VPS35L: variants seen among roughly 807,000 people sequenced by gnomAD.
VPS35L encodes the protein VPS35 endosomal protein-sorting factor-like.
In VPS35L, 83 loss-of-function variants were observed where a neutral mutation model predicts 133.0. The observed-to-expected ratio is 0.62, with a 90% CI of 0.52 to 0.75. The LOEUF (loss-of-function observed/expected upper bound fraction) is 0.75, where lower values mean the gene tolerates loss of function less well. Among genes scored for constraint, VPS35L ranks in the 30% least tolerant of loss-of-function variants. The pLI, the probability that VPS35L is intolerant of heterozygous loss-of-function variation, is 0.00. For missense variants in VPS35L, 1,083 were observed against 1,206.8 expected (o/e 0.90, Z 1.52); for synonymous variants, 423 against 449.9 (o/e 0.94, Z 0.76).
chr16:19,630,144 C>T (rs1237531054), intron 18 of VPS35L, among the ~76,000 whole-genome samples: 2 of 151,986 alleles, frequency 1.3e-5, no homozygotes, highest in African/African-American at 4.8e-5. Context: ...AGCAGCATTT[C>T]CCAAACAATT....
chr16:19,588,865 A>C (rs1971954733), intron 7 of VPS35L, among the ~76,000 whole-genome samples: 1 of 152,208 alleles, frequency 6.6e-6, no homozygotes. Context: ...GTTATTTTCC[A>C]TAGTAGCTGT....
At chr16:19,643,799 A>T (rs1255430488) in intron 22 of VPS35L, among the ~76,000 whole-genome samples, 20 of 151,134 alleles carry the variant, frequency 1.3e-4, no homozygotes, top group Admixed American at 1.3e-3. Flanking sequence ...AAAAAAAAAA[A>T]TACAAAAAAT....
Position 19,586,331 on chromosome 16 carries a change from A to ATATT in VPS35L, c.639+4700_639+4703dup, listed in dbSNP as rs559790762. On this transcript the variant is annotated intron_variant, in intron 7 of 30. Coordinates refer to ENST00000417362, the MANE Select transcript of VPS35L (RefSeq NM_020314.7). ...TGGAAGTATGTATGTATGTATGTGT[A>ATATT]TATTTATTTATTTATTTATTTATTT... is the stretch of plus-strand genomic sequence containing the variant. Among the ~76,000 whole-genome samples the ATATT allele has an allele frequency of 9.0e-4, 132 of 147,406 alleles. 1 individual carries two copies. The highest frequency in any genetic ancestry group is 1.4e-3 in the Non-Finnish European group (93 of 66,354).
Position 19,629,820 on chromosome 16 carries a change from G to A in VPS35L, c.1554G>A (p.Thr518=), listed in dbSNP as rs144908771. The part of the protein sequence containing the change: ...VWVEYTCKHF[T]KREVNTVLAD... ...TGGAATACACCTGCAAGCATTTCAC[G>A]GTATGTGTGACTGTGGTATTGTTTT... Residue 518 remains threonine, a splice_region_variant and synonymous_variant, in exon 18 of 31, where the codon ACG becomes ACA. Coordinates refer to ENST00000417362, the MANE Select transcript of VPS35L (RefSeq NM_020314.7). 3.2e-3 allele frequency: 5,222 copies of A among 1,612,860 alleles called. 18 individuals carry two copies. The highest frequency in any genetic ancestry group is 3.9e-3 in the Non-Finnish European group (4,555 of 1,178,906).
chr16:19,660,668 T>C (rs1974454250), intron 26 of VPS35L, among the ~76,000 whole-genome samples: 1 of 152,200 alleles, frequency 6.6e-6, no homozygotes, highest in Non-Finnish European at 1.5e-5. Context: ...ATGCCAACCA[T>C]ACAAAAGGTT....
chr16:19,630,987 CGA>C (rs1973439274), intron 18 of VPS35L, among the ~76,000 whole-genome samples: 1 of 151,654 alleles, frequency 6.6e-6, no homozygotes, highest in Non-Finnish European at 1.5e-5. Flanking sequence ...CCAGCCAGAG[CGA>C]CAGAGTGAGA....
At chr16:19,684,722 A>G (rs1436272463) in intron 28 of VPS35L, among the ~76,000 whole-genome samples, 12 of 152,224 alleles carry the variant, frequency 7.9e-5, no homozygotes. Context: ...ACTCACACCC[A>G]GAGTGGTGGG....
intron 9 of VPS35L, among the ~76,000 whole-genome samples, chr16:19,603,292 C>G (rs953646752): frequency 1.3e-5 from 2 of 151,740 alleles, no homozygotes; most frequent in African/African-American, 4.9e-5. Context: ...TCTACATTGT[C>G]CAGTACAGCA....
intron 14 of VPS35L, among the ~76,000 whole-genome samples, chr16:19,621,655 C>T (rs1178272617): frequency 6.6e-6 from 1 of 152,176 alleles, no homozygotes; most frequent in Non-Finnish European, 1.5e-5. Context: ...GTGTTCTTGC[C>T]AAAGATAATC....
At chr16:19,670,306 C>T (rs1567473645) in intron 27 of VPS35L, among the ~76,000 whole-genome samples, 1 of 152,356 alleles carries the variant, frequency 6.6e-6, no homozygotes, top group East Asian at 1.9e-4. Flanking sequence ...ACTCTCTATA[C>T]TGCCAAGGCA....
chr16:19,599,273 G>T (rs1025109678), intron 8 of VPS35L, among the ~76,000 whole-genome samples: 1 of 152,206 alleles, frequency 6.6e-6, no homozygotes, highest in African/African-American at 2.4e-5. Flanking sequence ...TTTAGAAGAG[G>T]ACCTCTGAGG....
chr16:19,610,223 C>T lies in VPS35L; in HGVS notation c.930-99C>T, dbSNP rs541953547. 12 of 1,016,870 alleles carry T rather than the reference C, an allele frequency of 1.2e-5. No individual in the cohort carries two copies. The South Asian group carries it at 1.6e-4, about 14-fold the overall frequency. 63.0% of individuals were successfully genotyped at this position (1,016,870 alleles called of 1,614,324 possible). ...TTACTGAAACTTGATTTTTCCCCCC[C>T]TCCCTGAAATTTAGGAAGTCTTTAT... On this transcript the variant is annotated intron_variant, in intron 11 of 30. Coordinates refer to ENST00000417362, the MANE Select transcript of VPS35L (RefSeq NM_020314.7).
At chr16:19,656,054 G>A (rs1196919327) in intron 26 of VPS35L, among the ~76,000 whole-genome samples, 2 of 151,940 alleles carry the variant, frequency 1.3e-5, no homozygotes, top group Non-Finnish European at 2.9e-5. Context: ...CCTGAGGTCA[G>A]GAGTTCAAGA....
rs913771463 is a variant in VPS35L at position 19,639,097 on chromosome 16, TAAAAATG to T, written c.1699-913_1699-907del. Among the ~76,000 whole-genome samples, 10 of 152,150 alleles carry T rather than the reference TAAAAATG, an allele frequency of 6.6e-5. No homozygotes were observed. Among genetic ancestry groups the T allele is most frequent in the Non-Finnish European group, 1.0e-4 (7 of 68,010 alleles). Reference sequence around the variant, plus strand: ...TCAAACAAATAAAATGCAATAAAAATAAAAATGAAAATGAATGAAGTGCTTATTTCTA... The same window carrying T: ...TCAAACAAATAAAATGCAATAAAAATAAAATGAATGAAGTGCTTATTTCTA... On this transcript the variant is annotated intron_variant, in intron 20 of 30. Coordinates refer to ENST00000417362, the MANE Select transcript of VPS35L (RefSeq NM_020314.7). This position sits in a 1 kb window ranked among gnomAD's most constrained non-coding sequence, Gnocchi z 4.1.
chr16:19,671,321 T>G (rs1164956284), intron 27 of VPS35L, among the ~76,000 whole-genome samples: 2 of 150,950 alleles, frequency 1.3e-5, no homozygotes, highest in East Asian at 1.9e-4. Flanking sequence ...GTACAAAAAT[T>G]AGCTGGGCAT....
chr16:19,578,678 G>A (rs967113397), intron 5 of VPS35L: 1 of 320,432 alleles, frequency 3.1e-6, no homozygotes, highest in Admixed American at 4.5e-5. Context: ...ATTCTACGCT[G>A]TGAGTAAGAG....
chr16:19,694,630 C>T (rs1975838033), intron 29 of VPS35L, among the ~76,000 whole-genome samples: 1 of 152,006 alleles, frequency 6.6e-6, no homozygotes, highest in Non-Finnish European at 1.5e-5. Flanking sequence ...GCTGGGACTA[C>T]AGGCATGTAC....
At position 19,700,684 on chromosome 16, in the gene VPS35L, T is replaced by C. The variant is rs1353588721; in HGVS notation, c.*208T>C. ...CAGAGCATTAAAATGCAATCTTCACTAAGAAGCAGTCTCTGTGTTGTCTTT... is the reference window on the plus strand; with the variant it reads ...CAGAGCATTAAAATGCAATCTTCACCAAGAAGCAGTCTCTGTGTTGTCTTT... On this transcript the variant is annotated 3_prime_UTR_variant, in exon 31 of 31. Transcript: ENST00000417362. 1.8e-6 allele frequency: 1 copy of C among 550,586 alleles called. No individual in the cohort carries two copies. The highest frequency in any genetic ancestry group is 2.9e-5 in the East Asian group (1 of 35,024). The allele number at this position is 550,586 out of a possible 1,614,324, so 34.1% of individuals were successfully genotyped here.
intron 22 of VPS35L, 101 bp downstream of exon 22, chr16:19,642,577 A>G: frequency 1.1e-6 from 1 of 943,940 alleles, no homozygotes; most frequent in African/African-American, 1.6e-5. Context: ...TGTGAATAAT[A>G]TTACTTTATT....
Sources: allele counts gnomAD v4.1 joint callset (sites outside exome capture counted in the v4.1 genomes callset), GRCh38; gene constraint gnomAD v4.1.1; non-coding constraint Gnocchi (gnomAD v3.1); transcripts MANE v1.5; gene names NCBI Gene and HGNC (gene_info 2026-07-23, HGNC 2026-07-21).